DSCAML1: variants seen among roughly 807,000 people sequenced by gnomAD.
The protein encoded by DSCAML1 is cell adhesion molecule DSCAML1.
A neutral mutation model predicts 200.5 loss-of-function variants in DSCAML1; 38 were observed. That is an observed-to-expected ratio of 0.19 (90% CI 0.15 to 0.25). The LOEUF (loss-of-function observed/expected upper bound fraction) is 0.25. DSCAML1 is among the 10% of genes least tolerant of loss of function. DSCAML1 has a pLI of 1.00. For synonymous variants in DSCAML1, 1,215 were observed against 1,165.0 expected (o/e 1.04, Z -0.87); for missense variants, 2,223 against 2,858.8 (o/e 0.78, Z 5.07).
At chr11:117,441,111 G>C (rs1426588080) in intron 21 of DSCAML1, among the ~76,000 whole-genome samples, 1 of 152,014 alleles carries the variant, frequency 6.6e-6, no homozygotes, top group Non-Finnish European at 1.5e-5. Context: ...AGCAAGAGCT[G>C]ACAAAACTTA....
In DSCAML1 at chr11:117,548,685, G is replaced by A. The variant is rs544818070; in HGVS notation, c.512-16163C>T. Among the ~76,000 whole-genome samples the A allele has an allele frequency of 2.0e-5, 3 of 152,196 alleles. No individual in the cohort carries two copies. The South Asian group carries it at 6.2e-4, about 32-fold the overall frequency. On this transcript the variant is annotated intron_variant, in intron 3 of 32. Transcript: ENST00000651296. Reference sequence around the variant, plus strand: ...AGCTGGGCCAAGGCTGGGAATTCCCGAGTGCACCGTTAGTTCTGGTTGGAT... The same window carrying A: ...AGCTGGGCCAAGGCTGGGAATTCCCAAGTGCACCGTTAGTTCTGGTTGGAT...
At chr11:117,650,231 T>C (rs1002653969) in intron 3 of DSCAML1, among the ~76,000 whole-genome samples, 4 of 152,128 alleles carry the variant, frequency 2.6e-5, no homozygotes, top group Admixed American at 6.5e-5. Flanking sequence ...ACTCCCCACA[T>C]GATTCTGAGG....
intron 1 of DSCAML1, among the ~76,000 whole-genome samples, chr11:117,807,099 T>A (rs980025413): frequency 2.0e-5 from 3 of 152,228 alleles, no homozygotes; most frequent in Admixed American, 6.5e-5. Context: ...ACGCCAGATT[T>A]CAGGCTAGCC....
Position 117,565,981 on chromosome 11 carries a change from G to T in DSCAML1, c.512-33459C>A, listed in dbSNP as rs548653421. ...CCCTCACTGTCATCTCCGTGACAAA[G>T]TGGGGCCTGAGGACTGGTAGCCTAA... On this transcript the variant is annotated intron_variant, in intron 3 of 32. Coordinates refer to ENST00000651296, the MANE Select transcript of DSCAML1 (RefSeq NM_020693.4). Among the ~76,000 whole-genome samples, 5 of 152,316 alleles carry T rather than the reference G, an allele frequency of 3.3e-5. No homozygotes were observed. In the South Asian group the frequency reaches 1.0e-3, roughly 32 times the overall value.
In DSCAML1 at chr11:117,518,663, G is replaced by C; in HGVS notation, c.1313C>G (p.Thr438Arg). Residue 438 changes from threonine to arginine, a missense_variant, in exon 7 of 33, where the codon ACG becomes AGG. Physicochemically the swap from Thr to Arg is moderately conservative, Grantham distance 71. This residue lies in a region of DSCAML1 where 579 missense variants were observed against 721.5 expected (regional missense o/e 0.80). Coordinates refer to ENST00000651296, the MANE Select transcript of DSCAML1 (RefSeq NM_020693.4). This position sits in a 1 kb window ranked among gnomAD's most constrained non-coding sequence, Gnocchi z 6.3. ...CTCATCGTCGAGGGCCCAGGTGACC[G>C]TGGGGGGCGGGGCGCCCTTGGCCGC... ...MCAAKGAPPPTVTWALDDEPI... is the reference protein window; with the variant it reads ...MCAAKGAPPPRVTWALDDEPI... 6.2e-7 allele frequency: 1 copy of C among 1,613,348 alleles called. No homozygotes were observed. The highest frequency in any genetic ancestry group is 8.5e-7 in the Non-Finnish European group (1 of 1,179,940).
At chr11:117,660,681 G>A (rs1193402620) in intron 3 of DSCAML1, among the ~76,000 whole-genome samples, 7 of 152,184 alleles carry the variant, frequency 4.6e-5, no homozygotes, top group South Asian at 2.1e-4. Flanking sequence ...CCCAGCTGCC[G>A]AGAGGGGTCA....
chr11:117,546,878 G>A (rs774388617), intron 3 of DSCAML1, among the ~76,000 whole-genome samples: 5 of 152,154 alleles, frequency 3.3e-5, no homozygotes, highest in Non-Finnish European at 7.4e-5. Flanking sequence ...TAAAACTGGA[G>A]CGCTCCCAGG....
intron 3 of DSCAML1, among the ~76,000 whole-genome samples, chr11:117,604,611 GCT>G (rs1441707265): frequency 1.3e-5 from 2 of 152,212 alleles, no homozygotes; most frequent in Non-Finnish European, 2.9e-5. Flanking sequence ...ATTTATTCAT[GCT>G]CAGATGGGGC....
At chr11:117,589,526 G>C (rs2051217259) in intron 3 of DSCAML1, among the ~76,000 whole-genome samples, 1 of 152,144 alleles carries the variant, frequency 6.6e-6, no homozygotes, top group Admixed American at 6.5e-5. Context: ...AAATGATGCA[G>C]GAGAGCTCTC....
intron 26 of DSCAML1, 25 bp from the exon 27 acceptor site, chr11:117,435,824 T>C: frequency 6.3e-7 from 1 of 1,588,446 alleles, no homozygotes; most frequent in East Asian, 2.3e-5. Context: ...AGAATAGAAT[T>C]AGATGTCCCT....
intron 1 of DSCAML1, among the ~76,000 whole-genome samples, chr11:117,812,425 A>C (rs1448386745): frequency 1.1e-4 from 16 of 152,076 alleles, no homozygotes; most frequent in African/African-American, 3.6e-4. Flanking sequence ...TATCAACCAA[A>C]TTGTTTTGCC....
Position 117,486,035 on chromosome 11 carries a change from G to A in DSCAML1, c.2360-3873C>T, listed in dbSNP as rs377328709. Among the ~76,000 whole-genome samples the A allele has an allele frequency of 8.5e-5, 13 of 152,342 alleles. No individual in the cohort carries two copies. The East Asian group carries it at 2.5e-3, about 29-fold the overall frequency. ...AAAACAACTGGGTGCCAGGTAATAA[G>A]GACTACCTCACATGTACAAGTGGCA... On this transcript the variant is annotated intron_variant, in intron 11 of 32. Transcript: ENST00000651296.
intron 3 of DSCAML1, among the ~76,000 whole-genome samples, chr11:117,695,777 G>A (rs975689226): frequency 6.6e-6 from 1 of 152,144 alleles, no homozygotes; most frequent in African/African-American, 2.4e-5. Flanking sequence ...CATGAGCCTC[G>A]ATTTAAATCC....
At chr11:117,491,584 G>C (rs1352256718) in intron 11 of DSCAML1, among the ~76,000 whole-genome samples, 2 of 152,310 alleles carry the variant, frequency 1.3e-5, no homozygotes, top group East Asian at 3.9e-4. Flanking sequence ...TTTGAGACCA[G>C]CCATGGCCAA....
intron 20 of DSCAML1, among the ~76,000 whole-genome samples, chr11:117,448,124 G>A (rs1395542641): frequency 5.3e-5 from 8 of 152,180 alleles, no homozygotes; most frequent in Non-Finnish European, 1.0e-4. Context: ...AGGAGGGGAC[G>A]GGGACCAGGA....
At chr11:117,545,588 G>A (rs1208299486) in intron 3 of DSCAML1, among the ~76,000 whole-genome samples, 1 of 152,178 alleles carries the variant, frequency 6.6e-6, no homozygotes, top group Non-Finnish European at 1.5e-5. Flanking sequence ...GCAGAGGGGA[G>A]CCAATTCTGA....
intron 2 of DSCAML1, among the ~76,000 whole-genome samples, chr11:117,779,193 GGC>G (rs1190714986): frequency 2.6e-5 from 4 of 152,080 alleles, no homozygotes; most frequent in Non-Finnish European, 5.9e-5. Context: ...CATTGCAGTG[GGC>G]TGGGTCTTTA....
In DSCAML1 at chr11:117,432,489, G is replaced by A. The variant is rs775677101; in HGVS notation, c.5042C>T (p.Thr1681Ile). 6.2e-7 allele frequency: 1 copy of A among 1,614,016 alleles called. No homozygotes were observed. Among genetic ancestry groups the A allele is most frequent in the South Asian group, 1.1e-5 (1 of 90,984 alleles). Residue 1681 changes from threonine to isoleucine, a missense_variant, in exon 30 of 33, where the codon ACC becomes ATC. Around this residue, in one of 7 missense-constraint regions of DSCAML1, gnomAD observed 614 missense variants for 739.1 expected, o/e 0.83. Transcript: ENST00000651296. Reference protein sequence around the residue: ...GIKQLGDDKATIPVTDAEFSQ... With the variant: ...GIKQLGDDKAIIPVTDAEFSQ... ...GAACTCAGCATCTGTCACAGGGATG[G>A]TGGCCTTGTCATCTCCTGGGGAAAG...
At chr11:117,470,302 G>T (rs150034678) in intron 15 of DSCAML1, among the ~76,000 whole-genome samples, 2 of 152,226 alleles carry the variant, frequency 1.3e-5, no homozygotes, top group African/African-American at 2.4e-5. Flanking sequence ...TAGGCCGGGC[G>T]CGGTGGCTCA....
Sources: gnomAD v4.1 joint callset for allele counts (sites outside exome capture counted in the v4.1 genomes callset) on GRCh38, gnomAD v4.1.1 for gene constraint, gnomAD v4.1.1 regional missense constraint, Gnocchi (gnomAD v3.1) non-coding constraint, MANE v1.5 for transcripts, NCBI Gene and HGNC (gene_info 2026-07-23, HGNC 2026-07-21) for gene names.